The following CLSTN2 variants were observed in gnomAD, a reference collection of about 807,000 sequenced individuals.
CLSTN2 encodes the protein calsyntenin-2.
Under a neutral mutation model 101.2 loss-of-function variants are expected in CLSTN2, and 48 were observed. That is an observed-to-expected ratio of 0.47 (90% confidence interval 0.38 to 0.60). CLSTN2 has a LOEUF of 0.60. Ranked by LOEUF, CLSTN2 falls within the 20% of genes least tolerant of loss-of-function variation. The probability of loss-of-function intolerance (pLI) is 0.00; values close to 1 mark genes in which losing one functional copy is unlikely to be tolerated. For missense variants in CLSTN2, 1,160 were observed against 1,238.2 expected (o/e 0.94, Z 0.95); for synonymous variants, 481 against 463.6 (o/e 1.04, Z -0.48).
At chr3:140,018,877 T>G (rs1414475423) in intron 1 of CLSTN2, among the ~76,000 whole-genome samples, 1 of 152,238 alleles carries the variant, frequency 6.6e-6, no homozygotes, top group South Asian at 2.1e-4. Flanking sequence ...TTATGTGTTC[T>G]CTAATGTTAC....
intron 8 of CLSTN2, among the ~76,000 whole-genome samples, chr3:140,501,866 CTA>C (rs1395768775): frequency 6.6e-6 from 1 of 152,184 alleles, no homozygotes; most frequent in African/African-American, 2.4e-5. Context: ...GGGGTGGAGT[CTA>C]TGATTCTACA....
At chr3:140,096,360 G>T (rs1377320605) in intron 1 of CLSTN2, among the ~76,000 whole-genome samples, 6 of 152,158 alleles carry the variant, frequency 3.9e-5, no homozygotes, top group African/African-American at 2.4e-5. Context: ...TAATTCAATT[G>T]GTATTAATGG....
At chr3:139,973,845 G>A (rs1935764885) in intron 1 of CLSTN2, among the ~76,000 whole-genome samples, 1 of 152,002 alleles carries the variant, frequency 6.6e-6, no homozygotes, top group Non-Finnish European at 1.5e-5. Context: ...TCTCTTTGTT[G>A]CCTAGGCTGG....
At chr3:140,367,818 G>T (rs897306238) in intron 2 of CLSTN2, among the ~76,000 whole-genome samples, 1 of 152,158 alleles carries the variant, frequency 6.6e-6, no homozygotes, top group East Asian at 1.9e-4. Context: ...AACCATAATG[G>T]TAGTAGTTAC....
chr3:139,991,358 G>A (rs1353872735), intron 1 of CLSTN2, among the ~76,000 whole-genome samples: 1 of 152,170 alleles, frequency 6.6e-6, no homozygotes, highest in African/African-American at 2.4e-5. Context: ...GTGACCATGG[G>A]CATTGCCATA....
chr3:140,053,777 T>C (rs2008046429), intron 1 of CLSTN2, among the ~76,000 whole-genome samples: 1 of 152,204 alleles, frequency 6.6e-6, no homozygotes. Context: ...TGTTTCATTA[T>C]GTGTGAAATG....
chr3:140,562,370 G>A lies in CLSTN2; in HGVS notation c.2212+62G>A, dbSNP rs987052673. 4 of 1,488,060 alleles carry A rather than the reference G, an allele frequency of 2.7e-6. No homozygotes were observed. In the African/African-American group the frequency reaches 4.2e-5, roughly 16 times the overall value. 92.2% of individuals were successfully genotyped at this position (1,488,060 alleles called of 1,614,324 possible). A position where few individuals can be genotyped will look rare whatever the true frequency, so the allele number is the denominator to read the frequency against. ...TCCTCTTAGAATGTCCTTGTCCAGG[G>A]AGACATGAGTGAGATTGCACCTGTG... is the stretch of plus-strand genomic sequence containing the variant. On this transcript the variant is annotated intron_variant, in intron 13 of 16. Transcript: ENST00000458420.
chr3:140,401,707 C>A (rs2088244182), intron 2 of CLSTN2, among the ~76,000 whole-genome samples: 1 of 152,176 alleles, frequency 6.6e-6, no homozygotes, highest in Non-Finnish European at 1.5e-5. Flanking sequence ...GAGAATGCCC[C>A]AGAAACAGTC....
At chr3:140,411,841 T>C (rs897906220) in intron 4 of CLSTN2, among the ~76,000 whole-genome samples, 4 of 152,122 alleles carry the variant, frequency 2.6e-5, no homozygotes, top group Admixed American at 6.5e-5. Flanking sequence ...GATACAACCA[T>C]AGTGTGAAAG....
At chr3:140,318,247 C>T (rs575597082) in intron 2 of CLSTN2, among the ~76,000 whole-genome samples, 1 of 152,136 alleles carries the variant, frequency 6.6e-6, no homozygotes, top group Non-Finnish European at 1.5e-5. Flanking sequence ...GGTCCAGTGA[C>T]AAGCCAAGGC....
intron 8 of CLSTN2, among the ~76,000 whole-genome samples, chr3:140,529,814 T>C (rs1387595778): frequency 6.6e-6 from 1 of 152,152 alleles, no homozygotes; most frequent in Admixed American, 6.5e-5. Context: ...CCAACAATGC[T>C]CTCCCTGTTG....
chr3:140,310,487 A>G (rs1576509825), intron 2 of CLSTN2, among the ~76,000 whole-genome samples: 1 of 152,118 alleles, frequency 6.6e-6, no homozygotes, highest in Non-Finnish European at 1.5e-5. Flanking sequence ...CCCTCATTTC[A>G]GTAATGGTGA....
chr3:139,953,823 C>G (rs1386532377), intron 1 of CLSTN2, among the ~76,000 whole-genome samples: 1 of 152,158 alleles, frequency 6.6e-6, no homozygotes, highest in African/African-American at 2.4e-5. Context: ...TTTCCTGAGA[C>G]CACCTCCTAC....
chr3:140,192,551 ACT>A (rs2010584294), intron 2 of CLSTN2, among the ~76,000 whole-genome samples: 1 of 148,696 alleles, frequency 6.7e-6, no homozygotes, highest in African/African-American at 2.5e-5. Context: ...ATACAATGTC[ACT>A]CTCTGTCTCC....
intron 1 of CLSTN2, among the ~76,000 whole-genome samples, chr3:140,124,364 G>T (rs1037941559): frequency 6.6e-6 from 1 of 152,168 alleles, no homozygotes; most frequent in Non-Finnish European, 1.5e-5. Flanking sequence ...CTGCAGAGGG[G>T]CTGAGCTACA....
intron 1 of CLSTN2, among the ~76,000 whole-genome samples, chr3:140,030,312 ATAC>A (rs1274009968): frequency 7.9e-5 from 12 of 152,154 alleles, no homozygotes; most frequent in Non-Finnish European, 2.9e-5. Flanking sequence ...CCCCAATGTT[ATAC>A]CTCTGGTGTG....
chr3:140,291,538 T>C (rs951509617), intron 2 of CLSTN2, among the ~76,000 whole-genome samples: 2 of 152,026 alleles, frequency 1.3e-5, no homozygotes, highest in African/African-American at 4.8e-5. Context: ...CCTCCTTTTC[T>C]TCCACCAGAC....
At chr3:140,295,477 G>A (rs1449946611) in intron 2 of CLSTN2, among the ~76,000 whole-genome samples, 1 of 152,020 alleles carries the variant, frequency 6.6e-6, no homozygotes, top group Admixed American at 6.5e-5. Context: ...TTTTTGTTGA[G>A]TATTTATGGA....
chr3:140,080,929 G>A (rs1046300458), intron 1 of CLSTN2, among the ~76,000 whole-genome samples: 1 of 152,324 alleles, frequency 6.6e-6, no homozygotes. Context: ...ATGGGACACT[G>A]CACTGTGAGA....
Sources: gnomAD v4.1 joint callset for allele counts (sites outside exome capture counted in the v4.1 genomes callset) on GRCh38, gnomAD v4.1.1 for gene constraint, MANE v1.5 for transcripts, NCBI Gene and HGNC (gene_info 2026-07-23, HGNC 2026-07-21) for gene names.